KAT6B: variants seen among roughly 807,000 people sequenced by gnomAD.
KAT6B encodes the protein lysine acetyltransferase 6B.
KAT6B carries 10 observed loss-of-function variants against 187.5 expected under a neutral mutation model. The ratio of observed to expected loss-of-function variants is 0.05; its 90% CI spans 0.03 to 0.09. KAT6B has a LOEUF of 0.09. Among genes scored for constraint, KAT6B ranks in the 10% least tolerant of loss-of-function variants. The pLI is 1.00. For synonymous variants in KAT6B, 861 were observed against 926.8 expected (o/e 0.93, Z 1.29); for missense variants, 1,952 against 2,558.9 (o/e 0.76, Z 5.12).
chr10:74,849,754 G>A (rs1398991373), intron 3 of KAT6B, among the ~76,000 whole-genome samples: 10 of 152,160 alleles, frequency 6.6e-5, no homozygotes, highest in Non-Finnish European at 2.9e-5. Context: ...TCCTTGACTT[G>A]TCACAATAAC....
intron 3 of KAT6B, among the ~76,000 whole-genome samples, chr10:74,910,273 G>A (rs1385602888): frequency 6.6e-6 from 1 of 152,124 alleles, no homozygotes; most frequent in African/African-American, 2.4e-5. Flanking sequence ...CCTCCAGCCT[G>A]GGCAACAAGA....
chr10:75,020,445 G>C (rs1252247565), intron 13 of KAT6B, 137 bp from the exon 14 acceptor site: 4 of 691,276 alleles, frequency 5.8e-6, no homozygotes, highest in Non-Finnish European at 1.0e-5. Flanking sequence ...CTGGGAAGAG[G>C]CTACATTCCT....
intron 13 of KAT6B, among the ~76,000 whole-genome samples, chr10:74,997,127 C>T (rs1027765312): frequency 3.3e-5 from 5 of 151,880 alleles, no homozygotes; most frequent in African/African-American, 9.7e-5. Flanking sequence ...TCTGGCAGGC[C>T]GAGACAGGAG....
chr10:74,902,098 T>G (rs953902142), intron 3 of KAT6B, among the ~76,000 whole-genome samples: 9 of 152,146 alleles, frequency 5.9e-5, no homozygotes, highest in Non-Finnish European at 2.9e-5. Context: ...GCTCTCTCCT[T>G]TCTTCTGTTG....
Position 75,029,558 on chromosome 10 carries a change from A to C in KAT6B, c.4734A>C (p.Ala1578=). The C allele has an allele frequency of 6.2e-7, 1 of 1,614,174 alleles. No homozygotes were observed. The highest frequency in any genetic ancestry group is 2.2e-5 in the East Asian group (1 of 44,872). ...ACRSLQNYTR[A]DQSPQIATTL... Reference sequence around the variant, plus strand: ...GAAGCCTACAGAACTACACCCGTGCAGACCAAAGTCCACAGATTGCCACCA... The same window carrying C: ...GAAGCCTACAGAACTACACCCGTGCCGACCAAAGTCCACAGATTGCCACCA... The change falls in exon 18 of 18, where the codon GCA becomes GCC. Residue 1578 remains alanine, a synonymous_variant. Coordinates refer to ENST00000287239, the MANE Select transcript of KAT6B (RefSeq NM_012330.4). The surrounding 1 kb of genome is among the most constrained non-coding windows in gnomAD (Gnocchi z 6.2).
chr10:75,029,550 A>G lies in KAT6B; in HGVS notation c.4726A>G (p.Thr1576Ala). 6.2e-7 allele frequency: 1 copy of G among 1,614,090 alleles called. No homozygotes were observed. ...GGCCTGTAGAAGCCTACAGAACTAC[A>G]CCCGTGCAGACCAAAGTCCACAGAT... Reference protein sequence around the residue: ...QEACRSLQNYTRADQSPQIAT... With the variant: ...QEACRSLQNYARADQSPQIAT... The change falls in exon 18 of 18, where the codon ACC (threonine) becomes GCC (alanine). Residue 1576 changes from threonine (T) to alanine (A), a missense_variant. By Grantham distance (58) the Thr-to-Ala change is moderately conservative. Transcript: ENST00000287239. The surrounding 1 kb of genome is among the most constrained non-coding windows in gnomAD (Gnocchi z 6.2).
chr10:74,986,452 T>C (rs1842816240), intron 12 of KAT6B, among the ~76,000 whole-genome samples: 1 of 152,230 alleles, frequency 6.6e-6, no homozygotes, highest in African/African-American at 2.4e-5. Flanking sequence ...GGATGCTTTA[T>C]AGAAGTGCCA....
intron 13 of KAT6B, among the ~76,000 whole-genome samples, chr10:75,001,539 ATGT>A (rs769091171): frequency 1.4e-4 from 22 of 152,298 alleles, no homozygotes; most frequent in East Asian, 1.3e-3. Flanking sequence ...ACTGGTTTAA[ATGT>A]TGTATTATAT....
intron 4 of KAT6B, among the ~76,000 whole-genome samples, chr10:74,961,916 G>A (rs1841122298): frequency 6.6e-6 from 1 of 152,200 alleles, no homozygotes; most frequent in Admixed American, 6.5e-5. Context: ...GGCTGGTGTG[G>A]TTTTGTGAGC....
At chr10:74,872,453 G>A (rs1844063597) in intron 3 of KAT6B, among the ~76,000 whole-genome samples, 1 of 152,074 alleles carries the variant, frequency 6.6e-6, no homozygotes, top group Non-Finnish European at 1.5e-5. Context: ...TCGGCTCAGC[G>A]CAACCTCTGC....
At chr10:75,024,917 T>C in intron 16 of KAT6B, 41 bp from the exon 17 acceptor site, 14 of 1,589,382 alleles carry the variant, frequency 8.8e-6, no homozygotes, top group Non-Finnish European at 1.1e-5. Flanking sequence ...CCATTTAATT[T>C]CTCATGAGCT....
intron 1 of KAT6B, among the ~76,000 whole-genome samples, chr10:74,836,641 C>G (rs765622544): frequency 6.6e-6 from 1 of 152,140 alleles, no homozygotes. Flanking sequence ...ATATGGATGG[C>G]GTTTCATGTT....
At chr10:74,924,198 T>A (rs1848332830) in intron 3 of KAT6B, among the ~76,000 whole-genome samples, 1 of 152,152 alleles carries the variant, frequency 6.6e-6, no homozygotes, top group Admixed American at 6.5e-5. Flanking sequence ...AACATATTTT[T>A]ATTTAAAATA....
At chr10:74,848,127 C>T (rs1215922588) in intron 3 of KAT6B, among the ~76,000 whole-genome samples, 1 of 151,894 alleles carries the variant, frequency 6.6e-6, no homozygotes, top group Non-Finnish European at 1.5e-5. Context: ...CCATGTTGGC[C>T]AGGCTGGTCT....
rs567814968 is a variant in KAT6B, at chr10:74,915,842, G to A, written c.622-44128G>A. ...TGCCCTGGAGATGATTTAAAATTCA[G>A]TTATGTTGCTTGTGATGGTGGTATT... On this transcript the variant is annotated intron_variant, in intron 3 of 17. Transcript: ENST00000287239. Among the ~76,000 whole-genome samples, 9 of 152,296 alleles carry A rather than the reference G, an allele frequency of 5.9e-5. No individual in the cohort carries two copies. The South Asian group carries it at 1.5e-3, about 25-fold the overall frequency.
At chr10:74,869,257 T>A (rs138477434) in intron 3 of KAT6B, among the ~76,000 whole-genome samples, 3 of 152,264 alleles carry the variant, frequency 2.0e-5, no homozygotes, top group African/African-American at 4.8e-5. Flanking sequence ...GTTTTTTTTT[T>A]AAACATAGTG....
intron 3 of KAT6B, among the ~76,000 whole-genome samples, chr10:74,955,021 C>T (rs760644153): frequency 2.5e-4 from 38 of 152,092 alleles, no homozygotes; most frequent in Non-Finnish European, 4.9e-4. Flanking sequence ...GTACAGGACC[C>T]CTCCCTCACC....
intron 3 of KAT6B, among the ~76,000 whole-genome samples, chr10:74,913,918 G>A (rs1476140894): frequency 6.6e-6 from 1 of 152,202 alleles, no homozygotes; most frequent in Non-Finnish European, 1.5e-5. Flanking sequence ...GGGAGTGGTG[G>A]CTCATGCCTG....
Position 75,021,111 on chromosome 10 carries a change from CTTA to C in KAT6B, c.2862-13_2862-11del, listed in dbSNP as rs768625046. ...AGCTTGTGATTACATCTTGTTCTGC[CTTA>C]TCACATTACAGATTTGTCATCATTA... On this transcript the variant is annotated splice_polypyrimidine_tract_variant and intron_variant, in intron 14 of 17. Transcript: ENST00000287239. 4 of 1,612,634 alleles carry C rather than the reference CTTA, an allele frequency of 2.5e-6. No homozygotes were observed. Among genetic ancestry groups the C allele is most frequent in the Non-Finnish European group, 3.4e-6 (4 of 1,178,680 alleles).
Sources: gnomAD v4.1 joint callset for allele counts (sites outside exome capture counted in the v4.1 genomes callset) on GRCh38, gnomAD v4.1.1 for gene constraint, Gnocchi (gnomAD v3.1) non-coding constraint, MANE v1.5 for transcripts, NCBI Gene and HGNC (gene_info 2026-07-23, HGNC 2026-07-21) for gene names.